Variants in KLC1 observed in about 807,000 individuals in gnomAD.
KLC1 encodes kinesin 2 60/70kDa.
KLC1 carries 30 observed loss-of-function variants against 84.2 expected under a neutral mutation model. That is an observed-to-expected ratio of 0.36 (90% confidence interval 0.27 to 0.48). KLC1 has a LOEUF of 0.48. Among genes scored for constraint, KLC1 ranks in the 20% least tolerant of loss-of-function variants. KLC1 has a pLI of 0.99. For synonymous variants in KLC1, 289 were observed against 293.3 expected (o/e 0.99, Z 0.15); for missense variants, 499 against 805.4 (o/e 0.62, Z 4.60).
rs985720703 is a variant in KLC1 at position 103,694,155 on chromosome 14, TCCCCATGCCTGTGGCCCTGGGG to T, written c.1848+1740_1848+1761del. 8 of 984,974 alleles carry T rather than the reference TCCCCATGCCTGTGGCCCTGGGG, an allele frequency of 8.1e-6. No individual in the cohort carries two copies. Among genetic ancestry groups the T allele is most frequent in the Non-Finnish European group, 9.6e-6 (8 of 829,766 alleles). The allele number at this position is 984,974 out of a possible 1,614,324, so 61.0% of individuals were successfully genotyped here. A position where few individuals can be genotyped will look rare whatever the true frequency, so the allele number is the denominator to read the frequency against. On this transcript the variant is annotated intron_variant, in intron 15 of 16. Coordinates refer to ENST00000334553, the MANE Select transcript of KLC1 (RefSeq NM_001394837.1). This position sits in a 1 kb window ranked among gnomAD's most constrained non-coding sequence, Gnocchi z 4.5. ...ATCTTCCGGGTCTCTCTTTCCAAGG[TCCCCATGCCTGTGGCCCTGGGG>T]CCCCATGCCCCCTTTTGAGCTGTGT...
At chr14:103,660,559 C>T (rs1461241327) in intron 3 of KLC1, among the ~76,000 whole-genome samples, 3 of 151,698 alleles carry the variant, frequency 2.0e-5, no homozygotes, top group Admixed American at 6.6e-5. Context: ...GAGGCTGAAG[C>T]GGGTGGATTA....
intron 1 of KLC1, among the ~76,000 whole-genome samples, chr14:103,640,611 C>T (rs1186183723): frequency 8.6e-5 from 13 of 151,280 alleles, no homozygotes; most frequent in South Asian, 8.4e-4. Flanking sequence ...CTGCCCGCCT[C>T]GGCCTCCCAA....
chr14:103,644,632 G>A (rs894081484), intron 1 of KLC1, among the ~76,000 whole-genome samples: 7 of 152,032 alleles, frequency 4.6e-5, no homozygotes, highest in Admixed American at 2.0e-4. Context: ...GGTAGCTCAC[G>A]CCTATAATCC....
intron 1 of KLC1, among the ~76,000 whole-genome samples, chr14:103,636,387 A>G (rs1244092907): frequency 2.6e-5 from 4 of 151,818 alleles, no homozygotes; most frequent in Non-Finnish European, 4.4e-5. Flanking sequence ...ATGCCGGGCT[A>G]ATTTTGTATT....
intron 15 of KLC1, chr14:103,695,794 T>TG: frequency 1.0e-6 from 1 of 985,366 alleles, no homozygotes; most frequent in Non-Finnish European, 1.2e-6. Flanking sequence ...CACTGTGTGT[T>TG]GGGGTAAGAG....
chr14:103,642,773 T>A (rs1024466688), intron 1 of KLC1, among the ~76,000 whole-genome samples: 1 of 150,936 alleles, frequency 6.6e-6, no homozygotes, highest in Admixed American at 6.6e-5. Context: ...TTTTTGGTTT[T>A]TTTTTTTTTT....
At position 103,687,214 on chromosome 14, in the gene KLC1, A is replaced by C. The variant is rs1273451730; in HGVS notation, c.1781+3A>C. On this transcript the variant is annotated splice_donor_region_variant and intron_variant, in intron 14 of 16. Transcript: ENST00000334553. ...GAGAGTGAGCCAAAGAACCCCGGGT[A>C]ACTATCTCTTCCAGCTCTCCCGACT... is the stretch of plus-strand genomic sequence containing the variant. The C allele has an allele frequency of 6.5e-7, 1 of 1,540,666 alleles. No homozygotes were observed. The highest frequency in any genetic ancestry group is 8.8e-7 in the Non-Finnish European group (1 of 1,140,122).
At chr14:103,666,637 C>T (rs2079858493) in intron 5 of KLC1, among the ~76,000 whole-genome samples, 1 of 150,160 alleles carries the variant, frequency 6.7e-6, no homozygotes, top group African/African-American at 2.5e-5. Flanking sequence ...TGCTCTTGTA[C>T]CCCTGGCTGG....
intron 13 of KLC1, among the ~76,000 whole-genome samples, chr14:103,680,619 C>T (rs2081273321): frequency 1.3e-5 from 2 of 152,200 alleles, no homozygotes; most frequent in African/African-American, 4.8e-5. Context: ...TGGTTTTTCT[C>T]TGTGCCAAGA....
chr14:103,684,769 G>A, intron 13 of KLC1: 1 of 556,500 alleles, frequency 1.8e-6, no homozygotes, highest in Non-Finnish European at 3.3e-6. Context: ...TGAGTGAAAT[G>A]AATCTTCTGT....
chr14:103,679,590 A>G, intron 13 of KLC1, 45 bp downstream of exon 13: 1 of 1,493,852 alleles, frequency 6.7e-7, no homozygotes, highest in East Asian at 2.3e-5. Flanking sequence ...AGGCGCCCCC[A>G]AGTGGCGCTT....
At position 103,692,501 on chromosome 14, in the gene KLC1, C is replaced by T; in HGVS notation, c.1848+76C>T. 7.0e-6 allele frequency: 9 copies of T among 1,288,218 alleles called. No individual in the cohort carries two copies. In the South Asian group the frequency reaches 7.6e-5, roughly 11 times the overall value. 79.8% of individuals were successfully genotyped at this position (1,288,218 alleles called of 1,614,324 possible). On this transcript the variant is annotated intron_variant, in intron 15 of 16. Coordinates refer to ENST00000334553, the MANE Select transcript of KLC1 (RefSeq NM_001394837.1). ...AGGTCTGCTGCAGACCCGCACTCGG[C>T]CCCTGCTCGGCCCCTGCTCCTGCAG... is the stretch of plus-strand genomic sequence containing the variant.
intron 12 of KLC1, among the ~76,000 whole-genome samples, chr14:103,678,149 G>A (rs2081066882): frequency 6.6e-6 from 1 of 152,216 alleles, no homozygotes; most frequent in African/African-American, 2.4e-5. Flanking sequence ...TGTAGTCCCA[G>A]CTACTGGGGA....
chr14:103,640,391 C>G (rs1283953461), intron 1 of KLC1, among the ~76,000 whole-genome samples: 1 of 150,216 alleles, frequency 6.7e-6, no homozygotes, highest in Middle Eastern at 3.4e-3. Context: ...GACAGAGTCT[C>G]GCGCTGTCGC....
Position 103,693,416 on chromosome 14 carries a change from A to T in KLC1, c.1848+991A>T. Reference sequence around the variant, plus strand: ...CCAGTTTCTTGGAGTTTCTACATGCACATTGACCCCTGGGCCTCTCGAGTG... The same window carrying T: ...CCAGTTTCTTGGAGTTTCTACATGCTCATTGACCCCTGGGCCTCTCGAGTG... On this transcript the variant is annotated intron_variant, in intron 15 of 16. Transcript: ENST00000334553. This position sits in a 1 kb window ranked among gnomAD's most constrained non-coding sequence, Gnocchi z 5.1. 1 of 1,348,942 alleles carries T rather than the reference A, an allele frequency of 7.4e-7. No homozygotes were observed. Among genetic ancestry groups the T allele is most frequent in the Non-Finnish European group, 1.0e-6 (1 of 1,002,986 alleles). The allele number at this position is 1,348,942 out of a possible 1,614,324, so 83.6% of individuals were successfully genotyped here. A position where few individuals can be genotyped will look rare whatever the true frequency, so the allele number is the denominator to read the frequency against.
chr14:103,692,518 C>A, intron 15 of KLC1, 93 bp downstream of exon 15: 1 of 1,084,610 alleles, frequency 9.2e-7, no homozygotes, highest in Non-Finnish European at 1.3e-6. Flanking sequence ...TCGGCCCCTG[C>A]TCCTGCAGAG....
Position 103,662,930 on chromosome 14 carries a change from T to C in KLC1, c.797+3T>C. 1.3e-6 allele frequency: 2 copies of C among 1,594,400 alleles called. No individual in the cohort carries two copies. The highest frequency in any genetic ancestry group is 1.1e-5 in the South Asian group (1 of 89,162). ...AACATCCTGGCCTTGGTGTACAGGC[T>C]AGTCACTTTTGTTTACCTACTGAAT... is the stretch of plus-strand genomic sequence containing the variant. On this transcript the variant is annotated splice_donor_region_variant and intron_variant, in intron 5 of 16. Coordinates refer to ENST00000334553, the MANE Select transcript of KLC1 (RefSeq NM_001394837.1).
chr14:103,696,416 T>C (rs2082526294), intron 15 of KLC1: 2 of 985,288 alleles, frequency 2.0e-6, no homozygotes, highest in Non-Finnish European at 2.4e-6. Context: ...AGGAGTATCA[T>C]GTACTTAGAA....
intron 12 of KLC1, 112 bp from the exon 13 acceptor site, chr14:103,679,272 C>G: frequency 7.2e-7 from 1 of 1,394,428 alleles, no homozygotes; most frequent in Non-Finnish European, 9.8e-7. Context: ...GTTTTTCCCT[C>G]CAGTGATTAA....
Sources: gnomAD v4.1 joint callset for allele counts (sites outside exome capture counted in the v4.1 genomes callset) on GRCh38, gnomAD v4.1.1 for gene constraint, Gnocchi (gnomAD v3.1) non-coding constraint, MANE v1.5 for transcripts, NCBI Gene and HGNC (gene_info 2026-07-23, HGNC 2026-07-21) for gene names.